Variants in ANKS1B observed in about 807,000 individuals in gnomAD.
ANKS1B encodes ankyrin repeat and sterile alpha motif domain-containing protein 1B.
Under a neutral mutation model 148.3 loss-of-function variants are expected in ANKS1B, and 36 were observed. The ratio of observed to expected loss-of-function variants is 0.24; its 90% CI spans 0.19 to 0.32. The LOEUF is 0.32. Among genes scored for constraint, ANKS1B ranks in the 10% least tolerant of loss-of-function variants. The pLI is 1.00. For missense variants in ANKS1B, 1,157 were observed against 1,542.6 expected, an observed-to-expected ratio of 0.75 and a Z score of 4.19; for synonymous variants, 542 against 560.8, an observed-to-expected ratio of 0.97 and a Z score of 0.47.
At chr12:99,669,957 A>G (rs2098528717) in intron 8 of ANKS1B, among the ~76,000 whole-genome samples, 1 of 152,050 alleles carries the variant, frequency 6.6e-6, no homozygotes, top group South Asian at 2.1e-4. Flanking sequence ...TCTATTAGGG[A>G]TCACAGTCCT....
intron 10 of ANKS1B, among the ~76,000 whole-genome samples, chr12:99,453,151 G>A (rs1015845513): frequency 7.2e-5 from 11 of 152,172 alleles, no homozygotes; most frequent in South Asian, 6.2e-4. Flanking sequence ...TTAGCCAGGC[G>A]TGGTGGTGGG....
At chr12:99,784,196 G>C (rs369916434) in intron 4 of ANKS1B, among the ~76,000 whole-genome samples, 21 of 143,916 alleles carry the variant, frequency 1.5e-4, no homozygotes, top group African/African-American at 5.2e-4. Context: ...TTTTGAGACG[G>C]AGTCTCGCTC....
chr12:98,905,057 T>C (rs2099777053), intron 17 of ANKS1B, among the ~76,000 whole-genome samples: 1 of 152,166 alleles, frequency 6.6e-6, no homozygotes, highest in Admixed American at 6.5e-5. Flanking sequence ...TACATTGACA[T>C]GGTATCTGGA....
At chr12:99,696,464 G>A (rs191805007) in intron 8 of ANKS1B, among the ~76,000 whole-genome samples, 1 of 152,172 alleles carries the variant, frequency 6.6e-6, no homozygotes, top group East Asian at 1.9e-4. Flanking sequence ...TGACAAAGTA[G>A]CAAAGCAAGT....
chr12:98,794,006 C>T (rs896890252), intron 22 of ANKS1B, among the ~76,000 whole-genome samples: 10 of 152,250 alleles, frequency 6.6e-5, no homozygotes, highest in African/African-American at 1.9e-4. Flanking sequence ...GTTATTCATA[C>T]CAACATAACA....
At chr12:99,902,171 T>C (rs1243765543) in intron 1 of ANKS1B, among the ~76,000 whole-genome samples, 2 of 152,186 alleles carry the variant, frequency 1.3e-5, no homozygotes, top group African/African-American at 2.4e-5. Flanking sequence ...AATTTCAGGA[T>C]AAAGAGGCTT....
chr12:98,872,706 C>T (rs758313137), intron 17 of ANKS1B, among the ~76,000 whole-genome samples: 7 of 152,068 alleles, frequency 4.6e-5, no homozygotes, highest in Non-Finnish European at 1.0e-4. Context: ...AGAGAGGTCT[C>T]AGAAGAGACA....
chr12:99,528,432 CA>C (rs537716638), intron 9 of ANKS1B, among the ~76,000 whole-genome samples: 62 of 96,698 alleles, frequency 6.4e-4, no homozygotes, highest in Admixed American at 3.2e-3. Flanking sequence ...AAAACAAAAA[CA>C]AAAAAAAAAA....
At chr12:98,957,207 C>G (rs1487176795) in intron 17 of ANKS1B, among the ~76,000 whole-genome samples, 4 of 152,134 alleles carry the variant, frequency 2.6e-5, no homozygotes, top group Non-Finnish European at 4.4e-5. Flanking sequence ...TCCCATGCTC[C>G]TTGGGCTCCA....
intron 9 of ANKS1B, among the ~76,000 whole-genome samples, chr12:98,737,833 A>G (rs2153349570): frequency 6.6e-6 from 1 of 152,366 alleles, no homozygotes; most frequent in East Asian, 1.9e-4. Flanking sequence ...TGGAGTGTTT[A>G]AGTCAGCAAG....
intron 21 of ANKS1B, among the ~76,000 whole-genome samples, chr12:98,800,449 C>T (rs2098992586): frequency 6.6e-6 from 1 of 152,040 alleles, no homozygotes; most frequent in South Asian, 2.1e-4. Flanking sequence ...CCAAAACCTA[C>T]AGTATCTTTT....
chr12:99,581,821 G>A (rs1220655074), intron 9 of ANKS1B, among the ~76,000 whole-genome samples: 1 of 151,230 alleles, frequency 6.6e-6, no homozygotes, highest in Non-Finnish European at 1.5e-5. Flanking sequence ...AACCCGGGAA[G>A]CGGAGCTTGC....
chr12:98,853,268 A>G (rs1447921580), intron 17 of ANKS1B, among the ~76,000 whole-genome samples: 1 of 152,228 alleles, frequency 6.6e-6, no homozygotes, highest in East Asian at 1.9e-4. Context: ...CTCCTCTTTC[A>G]AAAATAAACC....
chr12:98,879,269 T>C (rs1474071929), intron 17 of ANKS1B, among the ~76,000 whole-genome samples: 1 of 152,212 alleles, frequency 6.6e-6, no homozygotes, highest in African/African-American at 2.4e-5. Flanking sequence ...GGGCTATCCA[T>C]CTATGTGTCT....
At chr12:99,430,234 A>G (rs538713353) in intron 11 of ANKS1B, among the ~76,000 whole-genome samples, 1 of 152,320 alleles carries the variant, frequency 6.6e-6, no homozygotes, top group Admixed American at 6.5e-5. Flanking sequence ...CCATGATGGG[A>G]GCTATTTCAG....
intron 15 of ANKS1B, among the ~76,000 whole-genome samples, chr12:99,117,055 C>T (rs1306398739): frequency 1.3e-5 from 2 of 152,124 alleles, no homozygotes; most frequent in Non-Finnish European, 2.9e-5. Context: ...GATTTTGTAT[C>T]CTGAGACTTT....
chr12:98,989,791 G>A (rs1364325196), intron 17 of ANKS1B, among the ~76,000 whole-genome samples: 2 of 152,008 alleles, frequency 1.3e-5, no homozygotes, highest in African/African-American at 4.8e-5. Flanking sequence ...TGCTCGGGAG[G>A]CTGAGGCAGG....
At chr12:99,181,290 T>G (rs892913512) in intron 14 of ANKS1B, among the ~76,000 whole-genome samples, 3 of 151,822 alleles carry the variant, frequency 2.0e-5, no homozygotes, top group Admixed American at 6.6e-5. Context: ...GAATAAAACT[T>G]TATAATTTCT....
intron 12 of ANKS1B, among the ~76,000 whole-genome samples, chr12:99,378,526 G>A (rs1371517141): frequency 6.6e-6 from 1 of 151,808 alleles, no homozygotes; most frequent in African/African-American, 2.4e-5. Context: ...GTGGTGACAT[G>A]CACCTGTAGT....
Sources: gnomAD v4.1 joint callset for allele counts (sites outside exome capture counted in the v4.1 genomes callset) on GRCh38, gnomAD v4.1.1 for gene constraint, MANE v1.5 for transcripts, NCBI Gene and HGNC (gene_info 2026-07-23, HGNC 2026-07-21) for gene names.